COL15A1: variants seen among roughly 807,000 people sequenced by gnomAD.
COL15A1 encodes collagen type XV alpha 1 chain.
Under a neutral mutation model 165.9 loss-of-function variants are expected in COL15A1, and 111 were observed. The ratio of observed to expected loss-of-function variants is 0.67; its 90% CI spans 0.57 to 0.78. COL15A1 has a LOEUF of 0.78. COL15A1 is among the 30% of genes least tolerant of loss of function. The pLI, the probability that COL15A1 is intolerant of heterozygous loss-of-function variation, is 0.00. For missense variants in COL15A1, 1,745 were observed against 1,789.7 expected (o/e 0.98, Z 0.45); for synonymous variants, 659 against 674.8 (o/e 0.98, Z 0.36).
intron 37 of COL15A1, 53 bp downstream of exon 37, chr9:99,062,152 A>G: frequency 6.2e-7 from 1 of 1,607,580 alleles, no homozygotes; most frequent in African/African-American, 1.3e-5. Flanking sequence ...TCTAAAAATA[A>G]TAATCTACTC....
At chr9:99,024,288 T>G (rs1254016224) in intron 14 of COL15A1, among the ~76,000 whole-genome samples, 2 of 145,308 alleles carry the variant, frequency 1.4e-5, no homozygotes, top group Non-Finnish European at 1.5e-5. Flanking sequence ...TTTTTTTGTT[T>G]TTTTTTTTTT....
At chr9:98,989,302 A>G (rs755618163) in intron 5 of COL15A1, 44 bp downstream of exon 5, 109 of 1,497,394 alleles carry the variant, frequency 7.3e-5, no homozygotes, top group Non-Finnish European at 9.3e-6. Flanking sequence ...CTCAGCTTTT[A>G]GCAGGCTGAG....
At chr9:99,065,631 A>G (rs1182396700) in intron 39 of COL15A1, among the ~76,000 whole-genome samples, 1 of 148,056 alleles carries the variant, frequency 6.8e-6, no homozygotes, top group Non-Finnish European at 1.5e-5. Context: ...CAGGAAGGAG[A>G]TGGGGATGGG....
intron 2 of COL15A1, among the ~76,000 whole-genome samples, chr9:98,966,359 G>T (rs1042395258): frequency 2.8e-4 from 43 of 152,158 alleles, no homozygotes; most frequent in Non-Finnish European, 3.7e-4. Context: ...TGGAGGAGAT[G>T]GGGGGCCTTC....
intron 16 of COL15A1, among the ~76,000 whole-genome samples, chr9:99,031,458 A>G (rs956927766): frequency 1.3e-5 from 2 of 152,222 alleles, no homozygotes; most frequent in Non-Finnish European, 2.9e-5. Context: ...GAGGAAGGTT[A>G]TCACAACTAC....
chr9:99,025,978 A>G lies in COL15A1; in HGVS notation c.2043+12A>G. 1 of 1,605,498 alleles carries G rather than the reference A, an allele frequency of 6.2e-7. No homozygotes were observed. Among genetic ancestry groups the G allele is most frequent in the Non-Finnish European group, 8.5e-7 (1 of 1,176,018 alleles). On this transcript the variant is annotated intron_variant, in intron 16 of 41. Transcript: ENST00000375001. Reference sequence around the variant, plus strand: ...TGAAAGGGGAGAAGGTACGGGGAACACGGGAGGGTCCCACCACATGGGAGC... The same window carrying G: ...TGAAAGGGGAGAAGGTACGGGGAACGCGGGAGGGTCCCACCACATGGGAGC...
intron 26 of COL15A1, among the ~76,000 whole-genome samples, chr9:99,045,709 G>A (rs1241077121): frequency 6.6e-6 from 1 of 152,236 alleles, no homozygotes; most frequent in African/African-American, 2.4e-5. Context: ...GACACAGCTT[G>A]TAAGTGGCAG....
chr9:99,007,156 T>C (rs566907686), intron 9 of COL15A1, among the ~76,000 whole-genome samples: 1 of 152,322 alleles, frequency 6.6e-6, no homozygotes, highest in South Asian at 2.1e-4. Context: ...AGTTTCTGAT[T>C]AGCCTTTCCA....
intron 2 of COL15A1, among the ~76,000 whole-genome samples, chr9:98,954,636 C>T (rs886482031): frequency 1.7e-4 from 26 of 152,180 alleles, no homozygotes; most frequent in South Asian, 4.1e-4. Flanking sequence ...TTGTATTTGA[C>T]GACTTCTGCA....
chr9:99,042,441 C>G lies in COL15A1; in HGVS notation c.2574+334C>G, dbSNP rs114302978. On this transcript the variant is annotated intron_variant, in intron 24 of 41. Coordinates refer to ENST00000375001, the MANE Select transcript of COL15A1 (RefSeq NM_001855.5). The stretch of plus-strand genomic sequence containing the variant: ...AGTGGGTAGTGAAATTGATTTTTAC[C>G]ATAATTTGGAAAGAGAACTCAACTC... 7.4e-3 allele frequency among the ~76,000 whole-genome samples: 1,132 copies of G among 152,170 alleles called. 19 individuals are homozygous for G. Among genetic ancestry groups the G allele is most frequent in the African/African-American group, 0.026 (1,085 of 41,484 alleles).
At position 99,048,060 on chromosome 9, in the gene COL15A1, G is replaced by A. The variant is rs769487595; in HGVS notation, c.2793+60G>A. 3.9e-4 allele frequency: 342 copies of A among 882,030 alleles called. 1 individual carries two copies. The Middle Eastern group carries it at 4.5e-3, about 11-fold the overall frequency. The allele number at this position is 882,030 out of a possible 1,614,324, so 54.6% of individuals were successfully genotyped here. A position where few individuals can be genotyped will look rare whatever the true frequency, so the allele number is the denominator to read the frequency against. ...GTCCAGAGAGGGTGAGAGAGTGTGG[G>A]GTCCACAGAGCAGGGCCTGTGGACT... On this transcript the variant is annotated intron_variant, in intron 28 of 41. Coordinates refer to ENST00000375001, the MANE Select transcript of COL15A1 (RefSeq NM_001855.5).
chr9:99,056,489 G>A, intron 35 of COL15A1, 85 bp downstream of exon 35: 2 of 1,495,570 alleles, frequency 1.3e-6, no homozygotes, highest in Admixed American at 2.3e-5. Context: ...TGTCACAGCT[G>A]CACTGCCTAA....
chr9:99,016,344 G>A (rs1447060108), intron 11 of COL15A1, among the ~76,000 whole-genome samples: 1 of 152,236 alleles, frequency 6.6e-6, no homozygotes, highest in Non-Finnish European at 1.5e-5. Context: ...CTAGCTTTGT[G>A]TCCCAAACTG....
chr9:99,059,760 G>T, intron 35 of COL15A1, 129 bp from the exon 36 acceptor site: 2 of 950,884 alleles, frequency 2.1e-6, no homozygotes, highest in Non-Finnish European at 3.2e-6. Flanking sequence ...CAAGATACAG[G>T]TGGAAGTTGG....
At chr9:99,051,283 G>A (rs1347983052) in intron 30 of COL15A1, among the ~76,000 whole-genome samples, 1 of 152,142 alleles carries the variant, frequency 6.6e-6, no homozygotes, top group East Asian at 1.9e-4. Flanking sequence ...ACCTGCACCA[G>A]GACCTCTCAC....
At chr9:99,005,148 C>T in intron 9 of COL15A1, 98 bp downstream of exon 9, 1 of 1,281,214 alleles carries the variant, frequency 7.8e-7, no homozygotes, top group Non-Finnish European at 1.1e-6. Context: ...CCATGGGAGC[C>T]TGAGGCACGG....
At chr9:99,039,484 G>A (rs566646141) in intron 22 of COL15A1, among the ~76,000 whole-genome samples, 130 of 152,322 alleles carry the variant, frequency 8.5e-4, no homozygotes, top group Non-Finnish European at 1.6e-3. Flanking sequence ...ACCCCAGGCT[G>A]GGTGACAAAG....
In COL15A1 at chr9:99,070,731, T is replaced by A. The variant is rs1825971751; in HGVS notation, c.*845T>A. On this transcript the variant is annotated 3_prime_UTR_variant, in exon 42 of 42. Coordinates refer to ENST00000375001, the MANE Select transcript of COL15A1 (RefSeq NM_001855.5). ...AACATATATCTACATGTTGTATAAT[T>A]GGATTTTTTTTCCATGTAAGTGAAC... The A allele has an allele frequency of 2.7e-6, 1 of 371,774 alleles. No individual in the cohort carries two copies. The highest frequency in any genetic ancestry group is 9.9e-5 in the East Asian group (1 of 10,126). 23.0% of individuals were successfully genotyped at this position (371,774 alleles called of 1,614,324 possible). A position where few individuals can be genotyped will look rare whatever the true frequency, so the allele number is the denominator to read the frequency against.
rs67961829 is a variant in COL15A1 at position 99,066,599 on chromosome 9, G to GTTTTTTTTT, written c.3652-266_3652-258dup. Reference sequence around the variant, plus strand: ...TTTGGTCCAAGCAATATTTTGTTCTGTTTTTTTTTTTTTTTTTTTTTTTTT... The same window carrying GTTTTTTTTT: ...TTTGGTCCAAGCAATATTTTGTTCTGTTTTTTTTTTTTTTTTTTTTTTTTTTTTTTTTTT... On this transcript the variant is annotated intron_variant, in intron 39 of 41. Coordinates refer to ENST00000375001, the MANE Select transcript of COL15A1 (RefSeq NM_001855.5). Among the ~76,000 whole-genome samples, 194 of 71,036 alleles carry GTTTTTTTTT rather than the reference G, an allele frequency of 2.7e-3. 11 individuals are homozygous for GTTTTTTTTT. The highest frequency in any genetic ancestry group is 3.9e-3 in the Non-Finnish European group (139 of 35,720). The allele number at this position is 71,036 out of a possible 152,430, so 46.6% of individuals were successfully genotyped here.
Sources: allele counts gnomAD v4.1 joint callset (sites outside exome capture counted in the v4.1 genomes callset), GRCh38; gene constraint gnomAD v4.1.1; transcripts MANE v1.5; gene names NCBI Gene and HGNC (gene_info 2026-07-23, HGNC 2026-07-21).